Variants in ABCA13 observed in about 807,000 individuals in gnomAD.
The protein encoded by ABCA13 is ATP binding cassette subfamily A member 13, also known as ATP-binding cassette sub-family A member 13.
Under a neutral mutation model 478.7 loss-of-function variants are expected in ABCA13, and 476 were observed. The observed-to-expected ratio is 0.99, with a 90% CI of 0.92 to 1.07. ABCA13 has a LOEUF of 1.07. Among genes scored for constraint, ABCA13 ranks in the 50% least tolerant of loss-of-function variants. The probability of loss-of-function intolerance (pLI) is 0.00; values close to 1 mark genes in which losing one functional copy is unlikely to be tolerated. For synonymous variants in ABCA13, 2,252 were observed against 2,158.9 expected (o/e 1.04, Z -1.20); for missense variants, 6,060 against 5,910.6 (o/e 1.03, Z -0.83).
At position 48,431,027 on chromosome 7, in the gene ABCA13, A is replaced by G. The variant is rs574784546; in HGVS notation, c.12565+3156A>G. On this transcript the variant is annotated intron_variant, in intron 42 of 61. Transcript: ENST00000435803. ...CTTCAGCTGTACCCTGTAAATTTTG[A>G]TATGTTGTATCTTCATTTTTCATTC... is the stretch of plus-strand genomic sequence containing the variant. 6.6e-5 allele frequency among the ~76,000 whole-genome samples: 10 copies of G among 152,126 alleles called. No individual in the cohort carries two copies. In the South Asian group the frequency reaches 2.1e-3, roughly 32 times the overall value.
intron 55 of ABCA13, among the ~76,000 whole-genome samples, chr7:48,564,415 T>C (rs2131283302): frequency 6.6e-6 from 1 of 151,346 alleles, no homozygotes; most frequent in South Asian, 2.1e-4. Context: ...TTTTTTCTGA[T>C]AGCTGTAGTT....
chr7:48,555,222 G>T (rs1785688665), intron 55 of ABCA13, among the ~76,000 whole-genome samples: 1 of 151,752 alleles, frequency 6.6e-6, no homozygotes, highest in Admixed American at 6.6e-5. Context: ...ATTCATTGTT[G>T]AATTCAGTTT....
At position 48,272,217 on chromosome 7, in the gene ABCA13, G is replaced by C; in HGVS notation, c.2551G>C (p.Glu851Gln). ...GISKGKRAKL[E>Q]NFFTLLNFSV... ...TTCAAAAGGAAAAAGAGCTAAATTG[G>C]AAAACTTCTTTACACTTTTAAATTT... is the stretch of plus-strand genomic sequence containing the variant. Residue 851 changes from glutamate (E) to glutamine (Q), a missense_variant, in exon 17 of 62, where the codon GAA becomes CAA. By Grantham distance (29) the Glu-to-Gln change is conservative. Transcript: ENST00000435803. 6.2e-7 allele frequency: 1 copy of C among 1,611,392 alleles called. No individual in the cohort carries two copies. Among genetic ancestry groups the C allele is most frequent in the South Asian group, 1.1e-5 (1 of 90,472 alleles).
intron 35 of ABCA13, among the ~76,000 whole-genome samples, chr7:48,385,090 C>A (rs866661814): frequency 2.6e-5 from 4 of 152,302 alleles, no homozygotes; most frequent in Middle Eastern, 3.4e-3. Flanking sequence ...AAAGAAAAGT[C>A]AGTGCTATTC....
At chr7:48,413,264 A>G (rs1819520677) in intron 41 of ABCA13, among the ~76,000 whole-genome samples, 1 of 152,212 alleles carries the variant, frequency 6.6e-6, no homozygotes, top group South Asian at 2.1e-4. Flanking sequence ...CTCTGGCCCC[A>G]TGCTGGGTAT....
chr7:48,625,665 C>G (rs769794464), intron 59 of ABCA13, among the ~76,000 whole-genome samples: 1 of 152,324 alleles, frequency 6.6e-6, no homozygotes, highest in Non-Finnish European at 1.5e-5. Context: ...TTCTGATTCT[C>G]ATGCCATTCT....
intron 58 of ABCA13, chr7:48,603,861 G>C (rs1250358613): frequency 2.0e-5 from 3 of 152,168 alleles, no homozygotes; most frequent in Non-Finnish European, 4.4e-5. Context: ...TCTGGTCCTG[G>C]ACTTTTTTTG....
chr7:48,544,524 G>A (rs377741043), intron 55 of ABCA13, among the ~76,000 whole-genome samples: 1 of 146,912 alleles, frequency 6.8e-6, no homozygotes, highest in South Asian at 2.1e-4. Flanking sequence ...TAAAAGCTCT[G>A]TAAAATCCCC....
At chr7:48,311,418 T>C (rs1801756321) in intron 24 of ABCA13, among the ~76,000 whole-genome samples, 1 of 152,234 alleles carries the variant, frequency 6.6e-6, no homozygotes, top group Admixed American at 6.5e-5. Flanking sequence ...AACATGCTTA[T>C]GGTTTAGCTC....
intron 51 of ABCA13, among the ~76,000 whole-genome samples, chr7:48,516,169 C>G (rs1191101719): frequency 2.0e-5 from 3 of 152,128 alleles, no homozygotes; most frequent in Non-Finnish European, 4.4e-5. Flanking sequence ...ACGGCTGTCC[C>G]CTTATCTGCA....
intron 60 of ABCA13, 68 bp from the exon 61 acceptor site, chr7:48,644,549 A>G: frequency 6.7e-7 from 1 of 1,485,796 alleles, no homozygotes; most frequent in Non-Finnish European, 9.0e-7. Flanking sequence ...AATTAAATGT[A>G]GTATGATCAA....
chr7:48,483,245 G>T, intron 47 of ABCA13, 82 bp downstream of exon 47: 3 of 1,226,934 alleles, frequency 2.4e-6, no homozygotes, highest in Non-Finnish European at 3.5e-6. Flanking sequence ...TGAGCACAGG[G>T]TTCAGAAGGA....
At chr7:48,358,757 G>A (rs1319007504) in intron 31 of ABCA13, among the ~76,000 whole-genome samples, 1 of 152,056 alleles carries the variant, frequency 6.6e-6, no homozygotes, top group Non-Finnish European at 1.5e-5. Context: ...TACTGTAAAA[G>A]TGGCAGCACT....
intron 15 of ABCA13, among the ~76,000 whole-genome samples, chr7:48,256,945 G>A (rs1793483974): frequency 6.6e-6 from 1 of 152,092 alleles, no homozygotes; most frequent in African/African-American, 2.4e-5. Context: ...CATGAACATG[G>A]GATGTTTTTC....
intron 7 of ABCA13, among the ~76,000 whole-genome samples, chr7:48,232,284 A>G (rs896701389): frequency 2.6e-5 from 4 of 151,668 alleles, no homozygotes; most frequent in African/African-American, 9.7e-5. Flanking sequence ...TGCGAGATGA[A>G]TAAAACACCT....
chr7:48,468,151 C>G (rs1462060738), intron 44 of ABCA13, among the ~76,000 whole-genome samples: 1 of 134,456 alleles, frequency 7.4e-6, no homozygotes, highest in Admixed American at 7.5e-5. Flanking sequence ...TAGTCCTTCT[C>G]CTTCCAGAGG....
intron 41 of ABCA13, among the ~76,000 whole-genome samples, chr7:48,425,115 AG>A (rs1163699325): frequency 6.6e-6 from 1 of 152,148 alleles, no homozygotes; most frequent in African/African-American, 2.4e-5. Flanking sequence ...GAGATTATTG[AG>A]GGCAAAAACT....
chr7:48,221,641 G>A (rs188737012), intron 5 of ABCA13, among the ~76,000 whole-genome samples: 8 of 152,320 alleles, frequency 5.3e-5, no homozygotes, highest in Admixed American at 2.6e-4. Flanking sequence ...GCACATAAGC[G>A]GTGACTCCCT....
chr7:48,272,185 A>C lies in ABCA13; in HGVS notation c.2519A>C (p.Tyr840Ser). Residue 840 changes from tyrosine to serine, a missense_variant, in exon 17 of 62, where the codon TAT (tyrosine) becomes TCT (serine). This residue lies in a region of ABCA13 where 4,423 missense variants were observed against 4,309.1 expected (regional missense o/e 1.03). Coordinates refer to ENST00000435803, the MANE Select transcript of ABCA13 (RefSeq NM_152701.5). ...INPKLLELWAYGISKGKRAKL... is the reference protein window; with the variant it reads ...INPKLLELWASGISKGKRAKL... ...CCCAAATTACTAGAATTATGGGCCT[A>C]TGGCATTTCAAAAGGAAAAAGAGCT... The C allele has an allele frequency of 2.5e-6, 4 of 1,612,172 alleles. No individual in the cohort carries two copies. The Middle Eastern group carries it at 5.0e-4, about 200-fold the overall frequency.
Sources: allele counts gnomAD v4.1 joint callset (sites outside exome capture counted in the v4.1 genomes callset), GRCh38; gene constraint gnomAD v4.1.1; regional missense constraint gnomAD v4.1.1; transcripts MANE v1.5; gene names NCBI Gene and HGNC (gene_info 2026-07-23, HGNC 2026-07-21).